FAM24B: variants seen among roughly 807,000 people sequenced by gnomAD.
FAM24B encodes family with sequence similarity 24 member B.
FAM24B carries 3 observed loss-of-function variants against 2.3 expected under a neutral mutation model. The observed-to-expected ratio is 1.29, with a 90% CI of 0.59 to 3.32. The LOEUF (loss-of-function observed/expected upper bound fraction) is 3.32, where lower values mean the gene tolerates loss of function less well. FAM24B is among the 30% of genes most tolerant of loss of function. FAM24B has a pLI of 0.03. For missense variants in FAM24B, 98 were observed against 117.2 expected, an observed-to-expected ratio of 0.84 and a Z score of 0.76; for synonymous variants, 36 against 46.3, an observed-to-expected ratio of 0.78 and a Z score of 0.90.
At chr10:122,867,539 C>A (rs1252114810) in intron 1 of FAM24B, among the ~76,000 whole-genome samples, 4 of 152,200 alleles carry the variant, frequency 2.6e-5, no homozygotes, top group Non-Finnish European at 5.9e-5. Flanking sequence ...GGAGGCACCC[C>A]CTAGTAGGAG....
intron 1 of FAM24B, among the ~76,000 whole-genome samples, chr10:122,860,909 C>A (rs759031408): frequency 4.6e-5 from 7 of 152,028 alleles, no homozygotes; most frequent in Non-Finnish European, 8.8e-5. Context: ...TTTTAGAGTT[C>A]CTTCTTTATA....
At chr10:122,856,419 C>T (rs1306161531) in intron 1 of FAM24B, among the ~76,000 whole-genome samples, 4 of 152,214 alleles carry the variant, frequency 2.6e-5, no homozygotes, top group Non-Finnish European at 5.9e-5. Context: ...TTGACCTGAA[C>T]CATCTGTGGC....
At chr10:122,869,181 C>T (rs1027259137) in intron 1 of FAM24B, among the ~76,000 whole-genome samples, 3 of 151,980 alleles carry the variant, frequency 2.0e-5, no homozygotes, top group African/African-American at 4.8e-5. Flanking sequence ...TCAAAAGAGA[C>T]AAAGAAGGCC....
chr10:122,865,896 G>A (rs1364146076), intron 1 of FAM24B, among the ~76,000 whole-genome samples: 1 of 151,300 alleles, frequency 6.6e-6, no homozygotes, highest in African/African-American at 2.4e-5. Flanking sequence ...TTCGGAGACA[G>A]CTGTTTGTAT....
intron 2 of FAM24B, among the ~76,000 whole-genome samples, chr10:122,852,751 T>C (rs1049260403): frequency 2.6e-5 from 4 of 152,196 alleles, no homozygotes; most frequent in Non-Finnish European, 4.4e-5. Context: ...GGAGGGGTGC[T>C]TTGGGACACT....
chr10:122,872,738 A>G lies in FAM24B; in HGVS notation c.-178+6747T>C, dbSNP rs561212040. On this transcript the variant is annotated intron_variant, in intron 1 of 3. Transcript: ENST00000368898. ...ACTCATAGGTGGGAATTGAACAATG[A>G]GAACACATGGACACAGGAAGGGGAA... Among the ~76,000 whole-genome samples the G allele has an allele frequency of 8.5e-5, 13 of 152,254 alleles. No individual in the cohort carries two copies. The East Asian group carries it at 2.5e-3, about 29-fold the overall frequency.
At chr10:122,869,887 A>C (rs368263402) in intron 1 of FAM24B, among the ~76,000 whole-genome samples, 1 of 152,106 alleles carries the variant, frequency 6.6e-6, no homozygotes, top group Non-Finnish European at 1.5e-5. Context: ...AGAGAAGCAA[A>C]AGCAAACACA....
rs539891120 is a variant in FAM24B at position 122,869,296 on chromosome 10, G to A, written c.-178+10189C>T. Reference sequence around the variant, plus strand: ...CAGATTCATAAAGCAAGTCCTGAGTGACCTACAAAGAGACTTAGACTCCCA... The same window carrying A: ...CAGATTCATAAAGCAAGTCCTGAGTAACCTACAAAGAGACTTAGACTCCCA... On this transcript the variant is annotated intron_variant, in intron 1 of 3. Coordinates refer to ENST00000368898, the MANE Select transcript of FAM24B (RefSeq NM_152644.3). 2.5e-3 allele frequency among the ~76,000 whole-genome samples: 381 copies of A among 152,302 alleles called. 1 individual carries two copies. Among genetic ancestry groups the A allele is most frequent in the African/African-American group, 8.7e-3 (361 of 41,550 alleles).
At chr10:122,861,164 A>G (rs1847720711) in intron 1 of FAM24B, among the ~76,000 whole-genome samples, 1 of 152,162 alleles carries the variant, frequency 6.6e-6, no homozygotes, top group Admixed American at 6.5e-5. Context: ...TTTATATTTT[A>G]CATTTAGGTC....
intron 1 of FAM24B, among the ~76,000 whole-genome samples, chr10:122,864,853 G>C (rs1847778183): frequency 6.6e-6 from 1 of 152,168 alleles, no homozygotes; most frequent in South Asian, 2.1e-4. Context: ...GGTTTCAACT[G>C]GCAATGTACA....
chr10:122,862,492 T>C (rs911732832), intron 1 of FAM24B, among the ~76,000 whole-genome samples: 5 of 152,204 alleles, frequency 3.3e-5, no homozygotes, highest in African/African-American at 7.2e-5. Flanking sequence ...GTGGTTGGGA[T>C]TGTGGAATTT....
intron 3 of FAM24B, among the ~76,000 whole-genome samples, chr10:122,849,767 T>C (rs2153669): frequency 0.5 from 76,352 of 151,412 alleles, 19,817 homozygotes; most frequent in Non-Finnish European, 0.56. Context: ...GGATGTGCCA[T>C]TGTGAACTCC....
chr10:122,856,585 CA>C (rs1308675539), intron 1 of FAM24B, among the ~76,000 whole-genome samples: 6 of 152,168 alleles, frequency 3.9e-5, no homozygotes, highest in Admixed American at 6.5e-5. Flanking sequence ...GACCAGACAG[CA>C]AAAGCATCTG....
chr10:122,872,363 T>C (rs958015012), intron 1 of FAM24B, among the ~76,000 whole-genome samples: 1 of 152,236 alleles, frequency 6.6e-6, no homozygotes, highest in African/African-American at 2.4e-5. Flanking sequence ...TCAACCATTG[T>C]GGAAGTCAGT....
At chr10:122,858,498 CATATGTA>C (rs1255230568) in intron 1 of FAM24B, among the ~76,000 whole-genome samples, 13 of 151,766 alleles carry the variant, frequency 8.6e-5, no homozygotes, top group African/African-American at 2.9e-4. Flanking sequence ...CACATGTATA[CATATGTA>C]ACAAACCTGC....
chr10:122,871,042 G>A (rs1445519313), intron 1 of FAM24B, among the ~76,000 whole-genome samples: 4 of 152,242 alleles, frequency 2.6e-5, no homozygotes, highest in Admixed American at 2.0e-4. Context: ...AAACCCCATC[G>A]TCTCAGCTCA....
chr10:122,856,540 T>G lies in FAM24B; in HGVS notation c.-177-754A>C, dbSNP rs547364614. On this transcript the variant is annotated intron_variant, in intron 1 of 3. Transcript: ENST00000368898. ...GGTCATAAAGCCCTGATTCTGCAGC[T>G]CAATCCCAATGAGAACGGCCTTTGA... Among the ~76,000 whole-genome samples, 14 of 152,236 alleles carry G rather than the reference T, an allele frequency of 9.2e-5. No homozygotes were observed. In the South Asian group the frequency reaches 2.9e-3, roughly 32 times the overall value.
At chr10:122,867,381 CAA>C (rs1847819453) in intron 1 of FAM24B, among the ~76,000 whole-genome samples, 4 of 152,214 alleles carry the variant, frequency 2.6e-5, no homozygotes, top group Admixed American at 2.6e-4. Flanking sequence ...CACAGACAAA[CAA>C]AAGACAGCAA....
intron 3 of FAM24B, among the ~76,000 whole-genome samples, chr10:122,849,752 C>A (rs1049891534): frequency 6.6e-6 from 1 of 151,820 alleles, no homozygotes; most frequent in Non-Finnish European, 1.5e-5. Context: ...GTGTCCCAGG[C>A]TCCGGGATGT....
Sources: gnomAD v4.1 joint callset for allele counts (sites outside exome capture counted in the v4.1 genomes callset) on GRCh38, gnomAD v4.1.1 for gene constraint, MANE v1.5 for transcripts, NCBI Gene and HGNC (gene_info 2026-07-23, HGNC 2026-07-21) for gene names.